Variants in MYRIP observed in about 807,000 individuals in gnomAD.
MYRIP encodes rab effector MyRIP.
In MYRIP, 49 loss-of-function variants were observed where a neutral mutation model predicts 98.0. The ratio of observed to expected loss-of-function variants is 0.50; its 90% CI spans 0.40 to 0.63. The LOEUF is 0.63. Among genes scored for constraint, MYRIP ranks in the 30% least tolerant of loss-of-function variants. The probability of loss-of-function intolerance (pLI) is 0.00; values close to 1 mark genes in which losing one functional copy is unlikely to be tolerated. For synonymous variants in MYRIP, 404 were observed against 409.5 expected, an observed-to-expected ratio of 0.99 and a Z score of 0.16; for missense variants, 1,004 against 1,058.2, an observed-to-expected ratio of 0.95 and a Z score of 0.71.
intron 2 of MYRIP, among the ~76,000 whole-genome samples, chr3:39,979,650 C>CAAAAAAAA (rs1400253573): frequency 2.5e-5 from 2 of 79,032 alleles, no homozygotes; most frequent in African/African-American, 4.1e-5. Flanking sequence ...AAAACCAAAA[C>CAAAAAAAA]AAAACAAAAA....
At chr3:40,122,795 AT>A (rs1949431804) in intron 3 of MYRIP, among the ~76,000 whole-genome samples, 2 of 152,260 alleles carry the variant, frequency 1.3e-5, no homozygotes, top group African/African-American at 2.4e-5. Flanking sequence ...GTTGGTAAAA[AT>A]GTGGCAGGCC....
intron 9 of MYRIP, among the ~76,000 whole-genome samples, chr3:40,185,616 A>C (rs1345482577): frequency 6.6e-6 from 1 of 152,204 alleles, no homozygotes; most frequent in Non-Finnish European, 1.5e-5. Context: ...GCTAAGAAGT[A>C]AAAGTTTGCT....
chr3:40,048,054 G>T (rs1457481142), intron 3 of MYRIP, among the ~76,000 whole-genome samples: 3 of 152,110 alleles, frequency 2.0e-5, no homozygotes, highest in Non-Finnish European at 4.4e-5. Flanking sequence ...TTCTTGGTTA[G>T]AACTGATTTA....
chr3:40,065,670 A>G (rs535319077), intron 3 of MYRIP, among the ~76,000 whole-genome samples: 1 of 152,278 alleles, frequency 6.6e-6, no homozygotes, highest in Non-Finnish European at 1.5e-5. Flanking sequence ...GTTTTAAAAC[A>G]AGAGGTAGAT....
chr3:39,829,679 G>A (rs1420495295), intron 1 of MYRIP, among the ~76,000 whole-genome samples: 1 of 152,100 alleles, frequency 6.6e-6, no homozygotes, highest in African/African-American at 2.4e-5. Context: ...ATTCTGGCCA[G>A]GGACACTGTA....
At chr3:40,058,878 C>T (rs1002860060) in intron 3 of MYRIP, among the ~76,000 whole-genome samples, 2 of 152,074 alleles carry the variant, frequency 1.3e-5, no homozygotes, top group Non-Finnish European at 1.5e-5. Context: ...TGGTTTGCTG[C>T]ACCCATCAAC....
At chr3:39,937,320 C>T (rs1944676859) in intron 2 of MYRIP, among the ~76,000 whole-genome samples, 1 of 152,152 alleles carries the variant, frequency 6.6e-6, no homozygotes, top group Non-Finnish European at 1.5e-5. Flanking sequence ...TTCTGTCAAA[C>T]CATGTTGTTC....
At chr3:39,824,592 A>G (rs753896120) in intron 1 of MYRIP, among the ~76,000 whole-genome samples, 3 of 152,030 alleles carry the variant, frequency 2.0e-5, no homozygotes, top group Non-Finnish European at 4.4e-5. Context: ...ATTTATTTCT[A>G]GGAACCAGGT....
chr3:40,044,125 C>T lies in MYRIP; in HGVS notation c.186C>T (p.His62=), dbSNP rs143627559. The T allele has an allele frequency of 4.5e-5, 73 of 1,614,174 alleles. No individual in the cohort carries two copies. The African/African-American group carries it at 8.8e-4, about 19-fold the overall frequency. The change falls in exon 3 of 17, where the codon CAC becomes CAT. Residue 62 remains histidine (H), a synonymous_variant. Coordinates refer to ENST00000302541, the MANE Select transcript of MYRIP (RefSeq NM_015460.4). ...CGAAGCACCAGCAGTTTGTGGAGCA[C>T]TGCTGCATGCGCTGCTGCTCGCCCT... is the stretch of plus-strand genomic sequence containing the variant. The part of the protein sequence containing the change: ...ILSKHQQFVE[H]CCMRCCSPFT...
At chr3:40,251,741 C>A in intron 15 of MYRIP, 140 bp from the exon 16 acceptor site, 1 of 618,316 alleles carries the variant, frequency 1.6e-6, no homozygotes, top group Non-Finnish European at 2.9e-6. Flanking sequence ...AAAAAGATCC[C>A]ATAGTCAATC....
At chr3:39,902,466 G>T (rs1446967844) in intron 2 of MYRIP, among the ~76,000 whole-genome samples, 1 of 152,144 alleles carries the variant, frequency 6.6e-6, no homozygotes, top group East Asian at 1.9e-4. Flanking sequence ...TTCCTCTACT[G>T]AACCATTGGA....
chr3:40,155,936 G>T (rs1244919901), intron 4 of MYRIP, among the ~76,000 whole-genome samples: 1 of 151,930 alleles, frequency 6.6e-6, no homozygotes, highest in Non-Finnish European at 1.5e-5. Context: ...CTCCCATTTT[G>T]TAGGTTGCCT....
intron 12 of MYRIP, chr3:40,242,349 G>C (rs1322694920): frequency 3.3e-5 from 5 of 152,102 alleles, no homozygotes; most frequent in Non-Finnish European, 7.3e-5. Flanking sequence ...GTAAATTCCT[G>C]TTCAGCTGGT....
intron 3 of MYRIP, among the ~76,000 whole-genome samples, chr3:40,062,560 C>T (rs1948040185): frequency 6.6e-6 from 1 of 151,736 alleles, no homozygotes; most frequent in African/African-American, 2.4e-5. Flanking sequence ...GTAGGAGGAC[C>T]CATACAAAAT....
rs138930483 is a variant in MYRIP at position 39,924,267 on chromosome 3, T to A, written c.110+23341T>A. On this transcript the variant is annotated intron_variant, in intron 2 of 16. Coordinates refer to ENST00000302541, the MANE Select transcript of MYRIP (RefSeq NM_015460.4). ...CCTCAAATATAACGATATAGATAGG[T>A]TGAAAGTAAAAGTATAGAACTATAT... Among the ~76,000 whole-genome samples the A allele has an allele frequency of 6.3e-3, 961 of 151,982 alleles. 4 individuals are homozygous for A. Among genetic ancestry groups the A allele is most frequent in the African/African-American group, 0.021 (870 of 41,460 alleles).
At chr3:39,929,124 A>C (rs1485669397) in intron 2 of MYRIP, among the ~76,000 whole-genome samples, 1 of 152,014 alleles carries the variant, frequency 6.6e-6, no homozygotes, top group Non-Finnish European at 1.5e-5. Flanking sequence ...ATACTGTGAT[A>C]GATTGTATCA....
At chr3:40,055,590 C>A (rs544703150) in intron 3 of MYRIP, among the ~76,000 whole-genome samples, 1 of 152,216 alleles carries the variant, frequency 6.6e-6, no homozygotes, top group South Asian at 2.1e-4. Context: ...GAAGAATATG[C>A]CCACCTCTCT....
intron 4 of MYRIP, among the ~76,000 whole-genome samples, chr3:40,153,819 T>C (rs756959394): frequency 6.6e-6 from 1 of 152,206 alleles, no homozygotes; most frequent in Non-Finnish European, 1.5e-5. Flanking sequence ...ACGTCTTCAC[T>C]ATGCGGATCA....
intron 2 of MYRIP, among the ~76,000 whole-genome samples, chr3:40,009,429 G>A (rs975631130): frequency 1.3e-5 from 2 of 152,038 alleles, no homozygotes; most frequent in African/African-American, 4.8e-5. Flanking sequence ...GTGGAGACGG[G>A]GTTTCACTGT....
Sources: gnomAD v4.1 joint callset for allele counts (sites outside exome capture counted in the v4.1 genomes callset) on GRCh38, gnomAD v4.1.1 for gene constraint, MANE v1.5 for transcripts, NCBI Gene and HGNC (gene_info 2026-07-23, HGNC 2026-07-21) for gene names.